EYS: variants seen among roughly 807,000 people sequenced by gnomAD.
The protein encoded by EYS is EGF-like photoreceptor maintenance factor, also known as protein eyes shut homolog.
EYS carries 250 observed loss-of-function variants against 282.1 expected under a neutral mutation model. That is an observed-to-expected ratio of 0.89 (90% CI 0.80 to 0.98). The LOEUF (loss-of-function observed/expected upper bound fraction) is 0.98. Ranked by LOEUF, EYS falls within the 50% of genes least tolerant of loss-of-function variation. The probability of loss-of-function intolerance (pLI) is 0.00; values close to 1 mark genes in which losing one functional copy is unlikely to be tolerated. For synonymous variants in EYS, 1,355 were observed against 1,282.9 expected (o/e 1.06, Z -1.20); for missense variants, 4,016 against 3,709.0 (o/e 1.08, Z -2.15).
intron 5 of EYS, among the ~76,000 whole-genome samples, chr6:65,462,297 G>T (rs962113196): frequency 4.6e-5 from 7 of 152,072 alleles, no homozygotes; most frequent in African/African-American, 1.4e-4. Context: ...TGATTGGTAG[G>T]GTTTGGAGTG....
At chr6:64,127,181 T>G (rs76752420) in intron 31 of EYS, among the ~76,000 whole-genome samples, 3 of 152,188 alleles carry the variant, frequency 2.0e-5, no homozygotes, top group Admixed American at 6.5e-5. Context: ...ATATATCATG[T>G]GTCTTGTTTG....
At chr6:65,080,983 C>T (rs1774217522) in intron 12 of EYS, among the ~76,000 whole-genome samples, 2 of 152,074 alleles carry the variant, frequency 1.3e-5, no homozygotes, top group African/African-American at 2.4e-5. Context: ...ATTCCCATTA[C>T]AGTCTCAGCA....
chr6:65,243,419 G>C (rs1366105584), intron 12 of EYS, among the ~76,000 whole-genome samples: 1 of 152,112 alleles, frequency 6.6e-6, no homozygotes, highest in Non-Finnish European at 1.5e-5. Context: ...GGAGTTGGGG[G>C]GTGAAGGAAC....
chr6:63,915,722 C>T (rs1764405954), intron 35 of EYS, among the ~76,000 whole-genome samples: 1 of 152,092 alleles, frequency 6.6e-6, no homozygotes, highest in Non-Finnish European at 1.5e-5. Context: ...GAAGTTGATT[C>T]CAGTACTCAT....
intron 26 of EYS, among the ~76,000 whole-genome samples, chr6:64,485,242 G>A (rs751932757): frequency 2.6e-5 from 4 of 151,600 alleles, no homozygotes; most frequent in Non-Finnish European, 5.9e-5. Flanking sequence ...GGAAATGTTA[G>A]AGAACCCTTT....
intron 2 of EYS, among the ~76,000 whole-genome samples, chr6:65,549,048 C>A (rs753367128): frequency 6.6e-6 from 1 of 152,132 alleles, no homozygotes; most frequent in Non-Finnish European, 1.5e-5. Context: ...ACCAGTGAGG[C>A]TCTAATGCGC....
At position 63,762,541 on chromosome 6, in the gene EYS, C is replaced by A; in HGVS notation, c.7991G>T (p.Arg2664Ile). 2 of 1,550,504 alleles carry A rather than the reference C, an allele frequency of 1.3e-6. No individual in the cohort carries two copies. The highest frequency in any genetic ancestry group is 1.7e-6 in the Non-Finnish European group (2 of 1,146,178). Residue 2664 changes from arginine to isoleucine, a missense_variant, in exon 41 of 43, where the codon AGA becomes ATA. Transcript: ENST00000503581. Reference protein sequence around the residue: ...PEHDPPHHCSRGATCISLPHG... With the variant: ...PEHDPPHHCSIGATCISLPHG... ...AGGTAATGAAATGCAGGTTGCTCCTCTGCTACAGTGGTGTGGAGGGTCATG... is the reference window on the plus strand; with the variant it reads ...AGGTAATGAAATGCAGGTTGCTCCTATGCTACAGTGGTGTGGAGGGTCATG...
chr6:64,610,404 A>ATTTTTTTTTTTTTTTTTTTTT (rs10536697), intron 24 of EYS, among the ~76,000 whole-genome samples: 1 of 100,170 alleles, frequency 1.0e-5, no homozygotes. Flanking sequence ...TGTTGTAAGA[A>ATTTTTTTTTTTTTTTTTTTTT]TTTTTTTTTT....
chr6:64,151,337 A>ATATATATT (rs1774714677), intron 31 of EYS, among the ~76,000 whole-genome samples: 2 of 114,020 alleles, frequency 1.8e-5, no homozygotes, highest in African/African-American at 9.1e-5. Flanking sequence ...ATATATATAT[A>ATATATATT]TATATATATA....
intron 22 of EYS, among the ~76,000 whole-genome samples, chr6:64,688,231 C>A (rs1008624968): frequency 2.0e-5 from 3 of 151,846 alleles, no homozygotes; most frequent in Admixed American, 1.3e-4. Flanking sequence ...TCCTTCAGTT[C>A]TGCTTTGATC....
At chr6:65,578,908 T>C (rs543903932) in intron 2 of EYS, among the ~76,000 whole-genome samples, 2 of 152,256 alleles carry the variant, frequency 1.3e-5, no homozygotes, top group African/African-American at 4.8e-5. Flanking sequence ...GATTACAACG[T>C]ACCCCATTCT....
intron 31 of EYS, among the ~76,000 whole-genome samples, chr6:64,121,604 G>A (rs540742931): frequency 6.6e-6 from 1 of 152,244 alleles, no homozygotes; most frequent in Non-Finnish European, 1.5e-5. Flanking sequence ...TGTCTATACA[G>A]AAGACTTAAA....
intron 12 of EYS, among the ~76,000 whole-genome samples, chr6:65,080,779 G>T (rs762752926): frequency 1.3e-5 from 2 of 151,924 alleles, no homozygotes; most frequent in Non-Finnish European, 2.9e-5. Flanking sequence ...TTAATAAATT[G>T]GCTAGAAACA....
rs141960464 is a variant in EYS at position 65,375,198 on chromosome 6, A to G, written c.1299+9188T>C. 1.3e-3 allele frequency among the ~76,000 whole-genome samples: 201 copies of G among 152,266 alleles called. 1 individual carries two copies. The highest frequency in any genetic ancestry group is 3.4e-3 in the Middle Eastern group (1 of 294). On this transcript the variant is annotated intron_variant, in intron 8 of 42. Transcript: ENST00000503581. ...CTTCCAGAGGAGGGAACAGGCAGCAATCTTTTCTGTTCTTCAGCCTCTGCT... is the reference window on the plus strand; with the variant it reads ...CTTCCAGAGGAGGGAACAGGCAGCAGTCTTTTCTGTTCTTCAGCCTCTGCT...
intron 26 of EYS, among the ~76,000 whole-genome samples, chr6:64,533,125 A>G (rs1050840406): frequency 6.6e-6 from 1 of 152,236 alleles, no homozygotes; most frequent in Non-Finnish European, 1.5e-5. Flanking sequence ...GGAGAAGATA[A>G]GTGAATCTGA....
chr6:65,604,105 A>G (rs1350518701), intron 2 of EYS, among the ~76,000 whole-genome samples: 1 of 151,876 alleles, frequency 6.6e-6, no homozygotes, highest in East Asian at 1.9e-4. Context: ...CCTCTCAACA[A>G]ATACCAGGAG....
chr6:64,277,091 A>G (rs113833709), intron 30 of EYS, among the ~76,000 whole-genome samples: 4 of 152,278 alleles, frequency 2.6e-5, no homozygotes, highest in African/African-American at 7.2e-5. Flanking sequence ...CATAGAATAC[A>G]TAGAAATTCT....
At chr6:65,183,627 AT>A (rs1291334375) in intron 12 of EYS, among the ~76,000 whole-genome samples, 2 of 151,614 alleles carry the variant, frequency 1.3e-5, no homozygotes, top group Non-Finnish European at 2.9e-5. Context: ...CTTGTTTAAT[AT>A]TTTTTCTTCT....
intron 35 of EYS, among the ~76,000 whole-genome samples, chr6:63,905,329 C>CTTTT (rs377115720): frequency 2.5e-5 from 3 of 118,300 alleles, no homozygotes; most frequent in East Asian, 2.4e-4. Context: ...CTTTTTTTTT[C>CTTTT]TTTTTTTTTT....
Sources: gnomAD v4.1 joint callset for allele counts (sites outside exome capture counted in the v4.1 genomes callset) on GRCh38, gnomAD v4.1.1 for gene constraint, MANE v1.5 for transcripts, NCBI Gene and HGNC (gene_info 2026-07-23, HGNC 2026-07-21) for gene names.